Variants in STAU2 observed in about 807,000 individuals in gnomAD.
STAU2 encodes the protein staufen double-stranded RNA binding protein 2.
STAU2 carries 20 observed loss-of-function variants against 65.9 expected under a neutral mutation model. The observed-to-expected ratio is 0.30, with a 90% confidence interval of 0.21 to 0.44. The LOEUF (loss-of-function observed/expected upper bound fraction) is 0.44, where lower values mean the gene tolerates loss of function less well. Among genes scored for constraint, STAU2 ranks in the 20% least tolerant of loss-of-function variants. The pLI, the probability that STAU2 is intolerant of heterozygous loss-of-function variation, is 1.00. For missense variants in STAU2, 558 were observed against 683.9 expected, an observed-to-expected ratio of 0.82 and a Z score of 2.05; for synonymous variants, 232 against 233.9, an observed-to-expected ratio of 0.99 and a Z score of 0.07.
intron 13 of STAU2, among the ~76,000 whole-genome samples, chr8:73,460,921 C>T (rs527330478): frequency 2.0e-5 from 3 of 152,250 alleles, no homozygotes; most frequent in Non-Finnish European, 2.9e-5. Context: ...AGCTTAAGAC[C>T]GAGAGCCTGA....
chr8:73,607,883 C>T (rs1413762944), intron 9 of STAU2, among the ~76,000 whole-genome samples: 1 of 152,062 alleles, frequency 6.6e-6, no homozygotes, highest in African/African-American at 2.4e-5. Flanking sequence ...TTATTCTTGT[C>T]TCTACTATCT....
chr8:73,431,359 T>A, intron 13 of STAU2, among the ~76,000 whole-genome samples: 1 of 152,196 alleles, frequency 6.6e-6, no homozygotes, highest in Non-Finnish European at 1.5e-5. Context: ...GTTCCAGGAT[T>A]TTAAAAAAAG....
chr8:73,709,567 C>A (rs1376868749), intron 3 of STAU2, among the ~76,000 whole-genome samples: 5 of 151,806 alleles, frequency 3.3e-5, no homozygotes, highest in African/African-American at 1.2e-4. Flanking sequence ...TTTTCCTTCT[C>A]ATTATGAGGC....
chr8:73,427,142 G>A (rs979242567), intron 13 of STAU2, among the ~76,000 whole-genome samples: 1 of 151,926 alleles, frequency 6.6e-6, no homozygotes, highest in Non-Finnish European at 1.5e-5. Context: ...TGGTCAGGCT[G>A]GTCTCGAACT....
At chr8:73,686,147 G>A (rs1354979379) in intron 5 of STAU2, among the ~76,000 whole-genome samples, 1 of 152,232 alleles carries the variant, frequency 6.6e-6, no homozygotes, top group African/African-American at 2.4e-5. Context: ...GGGCGCGGTG[G>A]CTCACGCCTG....
At chr8:73,708,102 A>G (rs909882778) in intron 4 of STAU2, among the ~76,000 whole-genome samples, 15 of 152,240 alleles carry the variant, frequency 9.9e-5, no homozygotes, top group Non-Finnish European at 2.9e-5. Context: ...TGTTAAAGCA[A>G]GAACAAAAGA....
chr8:73,744,268 T>C (rs563552458), intron 1 of STAU2, among the ~76,000 whole-genome samples: 1 of 152,284 alleles, frequency 6.6e-6, no homozygotes, highest in South Asian at 2.1e-4. Context: ...ATTCTAGACA[T>C]CTAGTATTTT....
chr8:73,746,887 C>CCCCGCCTCCG (rs1184036546), upstream of STAU2: 2,285 of 1,152,546 alleles, frequency 2.0e-3, 9 homozygotes, highest in Middle Eastern at 3.1e-3. Context: ...GCTCCCCGCC[C>CCCCGCCTCCG]CCCGCCTCCG....
chr8:73,738,925 A>G (rs932170150), intron 2 of STAU2, among the ~76,000 whole-genome samples: 3 of 152,186 alleles, frequency 2.0e-5, no homozygotes, highest in Admixed American at 6.5e-5. Context: ...TTTGTCTGTT[A>G]TCATCAGTAT....
At chr8:73,628,106 G>A (rs944886605) in intron 6 of STAU2, among the ~76,000 whole-genome samples, 1 of 149,944 alleles carries the variant, frequency 6.7e-6, no homozygotes, top group Non-Finnish European at 1.5e-5. Flanking sequence ...ACAGGGTCTC[G>A]TTCTGTCACC....
chr8:73,677,552 C>T (rs980398672), intron 5 of STAU2, among the ~76,000 whole-genome samples: 3 of 152,118 alleles, frequency 2.0e-5, no homozygotes, highest in Non-Finnish European at 4.4e-5. Context: ...CTCTCACACA[C>T]AATATTGAGA....
chr8:73,714,966 A>G (rs1821143193), intron 3 of STAU2, among the ~76,000 whole-genome samples: 1 of 151,722 alleles, frequency 6.6e-6, no homozygotes. Flanking sequence ...CTGTAATCCC[A>G]GCTACTCAGG....
chr8:73,529,963 T>C (rs1413495956), intron 13 of STAU2, among the ~76,000 whole-genome samples: 2 of 152,198 alleles, frequency 1.3e-5, no homozygotes, highest in African/African-American at 2.4e-5. Flanking sequence ...GAAAGAATTA[T>C]GTGGCAGCTT....
chr8:73,552,830 A>G (rs986215070), intron 12 of STAU2, among the ~76,000 whole-genome samples: 1 of 152,120 alleles, frequency 6.6e-6, no homozygotes, highest in Non-Finnish European at 1.5e-5. Context: ...CCCACAGACA[A>G]CTCTAACTCA....
chr8:73,622,153 A>G (rs1384719658), intron 6 of STAU2, among the ~76,000 whole-genome samples: 138 of 31,652 alleles, frequency 4.4e-3, no homozygotes, highest in African/African-American at 0.012. Flanking sequence ...TTTGAGACGG[A>G]GTCTCGCTGT....
chr8:73,703,362 C>G (rs983535585), intron 4 of STAU2, among the ~76,000 whole-genome samples: 12 of 150,466 alleles, frequency 8.0e-5, no homozygotes, highest in Middle Eastern at 3.4e-3. Flanking sequence ...GAGGCCCCCC[C>G]AAAAGCAGAT....
intron 13 of STAU2, among the ~76,000 whole-genome samples, chr8:73,467,289 T>G (rs1435453953): frequency 6.6e-6 from 1 of 152,180 alleles, no homozygotes; most frequent in Admixed American, 6.5e-5. Flanking sequence ...TCCCAGCACT[T>G]TGGGAGGCCA....
At chr8:73,742,683 T>C (rs959131456) in intron 1 of STAU2, among the ~76,000 whole-genome samples, 2 of 151,858 alleles carry the variant, frequency 1.3e-5, no homozygotes, top group African/African-American at 4.8e-5. Context: ...GACAGGCAAT[T>C]CTAGATTCCA....
intron 13 of STAU2, among the ~76,000 whole-genome samples, chr8:73,500,924 A>G (rs1261856090): frequency 2.6e-5 from 4 of 151,944 alleles, no homozygotes; most frequent in Non-Finnish European, 5.9e-5. Context: ...AAGTTCTCCA[A>G]TGATGCATTA....
Sources: gnomAD v4.1 joint callset for allele counts (sites outside exome capture counted in the v4.1 genomes callset) on GRCh38, gnomAD v4.1.1 for gene constraint, MANE v1.5 for transcripts, NCBI Gene and HGNC (gene_info 2026-07-23, HGNC 2026-07-21) for gene names.